Variants in NCOA3 observed in about 807,000 individuals in gnomAD.
The protein encoded by NCOA3 is nuclear receptor coactivator 3, also known as CBP-interacting protein.
In NCOA3, 51 loss-of-function variants were observed where a neutral mutation model predicts 158.8. The ratio of observed to expected loss-of-function variants is 0.32; its 90% CI spans 0.26 to 0.41. The LOEUF is 0.41. Ranked by LOEUF, NCOA3 falls within the 10% of genes least tolerant of loss-of-function variation. The pLI is 1.00. For missense variants in NCOA3, 1,510 were observed against 1,746.6 expected (o/e 0.86, Z 2.41); for synonymous variants, 537 against 592.4 (o/e 0.91, Z 1.36).
intron 1 of NCOA3, among the ~76,000 whole-genome samples, chr20:47,525,656 G>A (rs1359550091): frequency 6.6e-5 from 4 of 60,250 alleles, no homozygotes; most frequent in South Asian, 5.5e-4. Context: ...CTGGCCGGAC[G>A]GGGGGGCTGA....
At chr20:47,546,897 C>T (rs1237357891) in intron 1 of NCOA3, among the ~76,000 whole-genome samples, 3 of 152,054 alleles carry the variant, frequency 2.0e-5, no homozygotes, top group African/African-American at 4.8e-5. Context: ...GATCCAGTAC[C>T]GTTCTTCATC....
chr20:47,588,262 G>A (rs535508059), intron 2 of NCOA3, among the ~76,000 whole-genome samples: 5 of 150,236 alleles, frequency 3.3e-5, no homozygotes, highest in Admixed American at 2.0e-4. Flanking sequence ...AGCCTCCTGA[G>A]TAGCTGCAAC....
chr20:47,555,313 A>G (rs1017984652), intron 1 of NCOA3, among the ~76,000 whole-genome samples: 6 of 152,224 alleles, frequency 3.9e-5, no homozygotes, highest in African/African-American at 1.4e-4. Context: ...CTATGATGTT[A>G]GGCAACATGA....
At chr20:47,517,640 G>A (rs976769671) in intron 1 of NCOA3, among the ~76,000 whole-genome samples, 6 of 151,580 alleles carry the variant, frequency 4.0e-5, no homozygotes, top group Non-Finnish European at 7.4e-5. Flanking sequence ...TAGTAGAGAC[G>A]GGTTTTTGCC....
chr20:47,648,893 A>G, intron 18 of NCOA3, 112 bp from the exon 19 acceptor site: 1 of 631,412 alleles, frequency 1.6e-6, no homozygotes, highest in Non-Finnish European at 2.8e-6. Context: ...TGACTTAGCC[A>G]GGTTATTGTG....
chr20:47,643,211 G>A (rs912742497), intron 17 of NCOA3, among the ~76,000 whole-genome samples: 1 of 152,238 alleles, frequency 6.6e-6, no homozygotes, highest in Non-Finnish European at 1.5e-5. Flanking sequence ...ACCGTGCCCA[G>A]CCATGACTGT....
intron 2 of NCOA3, among the ~76,000 whole-genome samples, chr20:47,621,723 C>T (rs570265458): frequency 1.6e-4 from 22 of 139,146 alleles, no homozygotes; most frequent in African/African-American, 5.8e-4. Flanking sequence ...GGTGCCATCT[C>T]GGCTCACTGC....
chr20:47,584,751 CCTA>C (rs1255606457), intron 2 of NCOA3, among the ~76,000 whole-genome samples: 2 of 151,964 alleles, frequency 1.3e-5, no homozygotes, highest in Non-Finnish European at 2.9e-5. Flanking sequence ...AAATGTTGGT[CCTA>C]CTGTCTTAGG....
At chr20:47,561,887 A>G (rs926009791) in intron 1 of NCOA3, among the ~76,000 whole-genome samples, 1 of 151,944 alleles carries the variant, frequency 6.6e-6, no homozygotes, top group East Asian at 1.9e-4. Flanking sequence ...TAGTTTCACT[A>G]CCCTAAAAAA....
At chr20:47,561,847 A>G (rs1332467687) in intron 1 of NCOA3, among the ~76,000 whole-genome samples, 2 of 152,198 alleles carry the variant, frequency 1.3e-5, no homozygotes, top group Admixed American at 1.3e-4. Context: ...GCAAATTTAC[A>G]ATGATCTACC....
chr20:47,637,592 T>G, intron 12 of NCOA3, 56 bp from the exon 13 acceptor site: 3 of 1,427,466 alleles, frequency 2.1e-6, no homozygotes, highest in Non-Finnish European at 2.8e-6. Context: ...ATGGGTATGT[T>G]TATACCTGTG....
intron 2 of NCOA3, among the ~76,000 whole-genome samples, chr20:47,588,069 G>A (rs1189035369): frequency 6.7e-6 from 1 of 150,110 alleles, no homozygotes; most frequent in African/African-American, 2.5e-5. Flanking sequence ...ACCCAAGACC[G>A]AGAGTAAACA....
At chr20:47,531,235 A>G (rs1255963803) in intron 1 of NCOA3, among the ~76,000 whole-genome samples, 1 of 152,146 alleles carries the variant, frequency 6.6e-6, no homozygotes, top group Non-Finnish European at 1.5e-5. Context: ...GCTACTCGGG[A>G]GGCTGAGGCA....
At chr20:47,548,835 A>G (rs897211963) in intron 1 of NCOA3, among the ~76,000 whole-genome samples, 2 of 152,200 alleles carry the variant, frequency 1.3e-5, no homozygotes, top group African/African-American at 4.8e-5. Context: ...TAGGCACAAG[A>G]TGTGAAATAA....
intron 1 of NCOA3, among the ~76,000 whole-genome samples, chr20:47,530,283 C>A (rs12625998): frequency 1.3e-5 from 2 of 151,872 alleles, no homozygotes; most frequent in South Asian, 4.1e-4. Context: ...ATATAATCAT[C>A]CTTTTAGTTA....
chr20:47,616,107 G>A (rs1422320807), intron 2 of NCOA3, among the ~76,000 whole-genome samples: 2 of 150,522 alleles, frequency 1.3e-5, no homozygotes, highest in African/African-American at 2.4e-5. Flanking sequence ...GCAGTGAGCC[G>A]AGATTGCACC....
At position 47,636,216 on chromosome 20, in the gene NCOA3, G is replaced by A; in HGVS notation, c.1830G>A (p.Arg610=). ...ESSVEGAENQ[R]GPLESKGHKK... ...GTGTTGAGGGGGCAGAGAATCAAAGGGGTCCTTTGGAAAGCAAAGGTCATA... is the reference window on the plus strand; with the variant it reads ...GTGTTGAGGGGGCAGAGAATCAAAGAGGTCCTTTGGAAAGCAAAGGTCATA... The change falls in exon 12 of 23, where the codon AGG becomes AGA. Residue 610 remains arginine, a synonymous_variant. Coordinates refer to ENST00000371998, the MANE Select transcript of NCOA3 (RefSeq NM_181659.3). 6.2e-7 allele frequency: 1 copy of A among 1,614,104 alleles called. No homozygotes were observed. The highest frequency in any genetic ancestry group is 8.5e-7 in the Non-Finnish European group (1 of 1,180,010).
chr20:47,644,694 A>C (rs2086660723), intron 17 of NCOA3, among the ~76,000 whole-genome samples: 1 of 151,774 alleles, frequency 6.6e-6, no homozygotes, highest in South Asian at 2.1e-4. Flanking sequence ...AGGACTCCCC[A>C]AATTTTTATT....
intron 12 of NCOA3, 62 bp from the exon 13 acceptor site, chr20:47,637,586 G>T: frequency 7.8e-7 from 1 of 1,279,804 alleles, no homozygotes; most frequent in Non-Finnish European, 1.0e-6. Context: ...TTTCTGATGG[G>T]TATGTTTATA....
Sources: gnomAD v4.1 joint callset for allele counts (sites outside exome capture counted in the v4.1 genomes callset) on GRCh38, gnomAD v4.1.1 for gene constraint, MANE v1.5 for transcripts, NCBI Gene and HGNC (gene_info 2026-07-23, HGNC 2026-07-21) for gene names.